The following ADGRL3 variants were observed in gnomAD, a reference collection of about 807,000 sequenced individuals.
ADGRL3 encodes the protein calcium-independent alpha-latrotoxin receptor 3.
In ADGRL3, 62 loss-of-function variants were observed where a neutral mutation model predicts 153.5. The observed-to-expected ratio is 0.40, with a 90% confidence interval of 0.33 to 0.50. The LOEUF (loss-of-function observed/expected upper bound fraction) is 0.50, where lower values mean the gene tolerates loss of function less well. ADGRL3 is among the 20% of genes least tolerant of loss of function. ADGRL3 has a pLI of 0.47. For synonymous variants in ADGRL3, 710 were observed against 672.5 expected, an observed-to-expected ratio of 1.06 and a Z score of -0.86; for missense variants, 1,641 against 1,859.4, an observed-to-expected ratio of 0.88 and a Z score of 2.16.
intron 5 of ADGRL3, among the ~76,000 whole-genome samples, chr4:61,628,536 T>C (rs561936060): frequency 5.5e-4 from 84 of 152,352 alleles, no homozygotes; most frequent in Non-Finnish European, 8.5e-4. Context: ...TTCATCTTAC[T>C]AATGACAAGT....
rs149293841 is a variant in ADGRL3 at position 61,618,218 on chromosome 4, T to C, written c.473+30778T>C. On this transcript the variant is annotated intron_variant, in intron 5 of 26. Transcript: ENST00000683033. Reference sequence around the variant, plus strand: ...GTATGAATGTTTTCTAATAACAGAATCTCTGAGATTGGAAATAGAATGGGA... The same window carrying C: ...GTATGAATGTTTTCTAATAACAGAACCTCTGAGATTGGAAATAGAATGGGA... Among the ~76,000 whole-genome samples, 64 of 152,288 alleles carry C rather than the reference T, an allele frequency of 4.2e-4. No homozygotes were observed. In the East Asian group the frequency reaches 0.012, roughly 29 times the overall value.
chr4:61,783,368 G>T (rs369119926), intron 8 of ADGRL3, among the ~76,000 whole-genome samples: 1 of 152,072 alleles, frequency 6.6e-6, no homozygotes, highest in African/African-American at 2.4e-5. Flanking sequence ...AGGTTATGAG[G>T]TTATTTTTAA....
intron 1 of ADGRL3, among the ~76,000 whole-genome samples, chr4:61,363,846 G>A (rs2096339288): frequency 6.6e-6 from 1 of 152,060 alleles, no homozygotes; most frequent in Non-Finnish European, 1.5e-5. Context: ...AGTACTTTAA[G>A]TAAGTTCATG....
intron 9 of ADGRL3, among the ~76,000 whole-genome samples, chr4:61,864,685 A>G (rs1298059035): frequency 6.6e-6 from 1 of 152,180 alleles, no homozygotes; most frequent in Non-Finnish European, 1.5e-5. Context: ...AAATAAAGCT[A>G]AGGTCACCAG....
chr4:61,487,488 G>A (rs72636175), intron 2 of ADGRL3, among the ~76,000 whole-genome samples: 3,795 of 152,032 alleles, frequency 0.025, 57 homozygotes, highest in Non-Finnish European at 0.038. Flanking sequence ...ATTTTTCTTG[G>A]TTCTCTGTAG....
At chr4:61,948,058 A>T (rs767994487) in intron 16 of ADGRL3, 42 bp from the exon 17 acceptor site, 1 of 1,523,222 alleles carries the variant, frequency 6.6e-7, no homozygotes, top group South Asian at 1.2e-5. Context: ...TTACATGATC[A>T]TAAAGTAGTT....
rs904535759 is a variant in ADGRL3 at position 61,387,558 on chromosome 4, G to C, written c.-174+4369G>C. Among the ~76,000 whole-genome samples, 6 of 152,116 alleles carry C rather than the reference G, an allele frequency of 3.9e-5. No homozygotes were observed. In the South Asian group the frequency reaches 1.2e-3, roughly 32 times the overall value. ...CCCAGGTGCACATTCTCTTTCTCAG[G>C]GATGTTCCATGCTGAGAAAAAGAAT... On this transcript the variant is annotated intron_variant, in intron 2 of 26. Coordinates refer to ENST00000683033, the MANE Select transcript of ADGRL3 (RefSeq NM_001387552.1).
chr4:61,354,574 C>CTGTT, intron 1 of ADGRL3, among the ~76,000 whole-genome samples: 1 of 148,390 alleles, frequency 6.7e-6, no homozygotes, highest in South Asian at 2.1e-4. Context: ...AAGACTTTGT[C>CTGTT]TGTGTGTGTG....
chr4:61,609,724 C>A (rs1370376700), intron 5 of ADGRL3, among the ~76,000 whole-genome samples: 1 of 152,000 alleles, frequency 6.6e-6, no homozygotes, highest in Non-Finnish European at 1.5e-5. Flanking sequence ...CTCGGGCACG[C>A]CCTGTGTTAT....
intron 6 of ADGRL3, among the ~76,000 whole-genome samples, chr4:61,716,178 A>G (rs1377172825): frequency 6.6e-6 from 1 of 152,106 alleles, no homozygotes; most frequent in Non-Finnish European, 1.5e-5. Context: ...TCAACCAATT[A>G]ACTTTAGCTG....
intron 5 of ADGRL3, among the ~76,000 whole-genome samples, chr4:61,611,680 T>G (rs977022582): frequency 6.6e-6 from 1 of 152,154 alleles, no homozygotes; most frequent in Non-Finnish European, 1.5e-5. Flanking sequence ...CCCGGCACTT[T>G]CAGAGACTGG....
At chr4:61,642,923 T>G (rs1337851832) in intron 5 of ADGRL3, among the ~76,000 whole-genome samples, 2 of 152,250 alleles carry the variant, frequency 1.3e-5, no homozygotes, top group Non-Finnish European at 2.9e-5. Context: ...CCCATGAGCA[T>G]GGAATCTTCT....
intron 2 of ADGRL3, among the ~76,000 whole-genome samples, chr4:61,472,538 C>T (rs1470798767): frequency 6.6e-6 from 1 of 151,998 alleles, no homozygotes; most frequent in East Asian, 1.9e-4. Flanking sequence ...AAGATGGAAG[C>T]CTTAGTATTT....
At position 61,207,426 on chromosome 4, in the gene ADGRL3, AT is replaced by A. The variant is rs538019167; in HGVS notation, c.-240+5665del. 1.1e-4 allele frequency among the ~76,000 whole-genome samples: 16 copies of A among 152,040 alleles called. No homozygotes were observed. In the South Asian group the frequency reaches 3.3e-3, roughly 32 times the overall value. ...GTATTCCATGGTGTATATGTGCCAC[AT>A]TTTCTTTATCCAGTCTATCATTGAT... is the stretch of plus-strand genomic sequence containing the variant. On this transcript the variant is annotated intron_variant, in intron 1 of 26. Transcript: ENST00000683033.
At chr4:61,778,265 G>A (rs1478986755) in intron 8 of ADGRL3, among the ~76,000 whole-genome samples, 1 of 152,110 alleles carries the variant, frequency 6.6e-6, no homozygotes, top group Admixed American at 6.5e-5. Flanking sequence ...CCAAACTCTG[G>A]AAAAATCTGA....
chr4:61,990,443 A>G (rs2099099787), intron 19 of ADGRL3, among the ~76,000 whole-genome samples: 2 of 151,966 alleles, frequency 1.3e-5, no homozygotes, highest in East Asian at 1.9e-4. Flanking sequence ...TGGTGGGTAC[A>G]GAGTTTCATT....
chr4:62,071,008 T>G lies in ADGRL3; in HGVS notation c.*100T>G. ...TAATAATGTGTGTACTCCTAAATCTTTATGCTGTCCTCTAAAGACAAACAC... is the reference window on the plus strand; with the variant it reads ...TAATAATGTGTGTACTCCTAAATCTGTATGCTGTCCTCTAAAGACAAACAC... On this transcript the variant is annotated 3_prime_UTR_variant, in exon 27 of 27. Coordinates refer to ENST00000683033, the MANE Select transcript of ADGRL3 (RefSeq NM_001387552.1). 9.7e-7 allele frequency: 1 copy of G among 1,029,406 alleles called. No homozygotes were observed. The highest frequency in any genetic ancestry group is 1.4e-6 in the Non-Finnish European group (1 of 719,240). The allele number at this position is 1,029,406 out of a possible 1,614,324, so 63.8% of individuals were successfully genotyped here. A position where few individuals can be genotyped will look rare whatever the true frequency, so the allele number is the denominator to read the frequency against.
At chr4:61,824,894 T>G (rs372741382) in intron 9 of ADGRL3, among the ~76,000 whole-genome samples, 4 of 152,186 alleles carry the variant, frequency 2.6e-5, no homozygotes, top group Non-Finnish European at 5.9e-5. Flanking sequence ...TTTAAAGATC[T>G]TCTTTTTTGA....
chr4:61,737,180 A>AGAGT (rs1197693655), intron 8 of ADGRL3, among the ~76,000 whole-genome samples: 1 of 152,128 alleles, frequency 6.6e-6, no homozygotes, highest in Non-Finnish European at 1.5e-5. Context: ...CAAATATGTT[A>AGAGT]GAGTCAAAAA....
Sources: gnomAD v4.1 joint callset for allele counts (sites outside exome capture counted in the v4.1 genomes callset) on GRCh38, gnomAD v4.1.1 for gene constraint, MANE v1.5 for transcripts, NCBI Gene and HGNC (gene_info 2026-07-23, HGNC 2026-07-21) for gene names.